Variants in FYB2 observed in about 807,000 individuals in gnomAD.
The protein encoded by FYB2 is FYN binding protein 2.
Under a neutral mutation model 94.1 loss-of-function variants are expected in FYB2, and 103 were observed. The ratio of observed to expected loss-of-function variants is 1.09; its 90% confidence interval spans 0.93 to 1.29. The LOEUF (loss-of-function observed/expected upper bound fraction) is 1.29, where lower values mean the gene tolerates loss of function less well. FYB2 is among the 50% of genes most tolerant of loss of function. FYB2 has a pLI of 0.00. For missense variants in FYB2, 896 were observed against 841.5 expected (o/e 1.06, Z -0.80); for synonymous variants, 293 against 287.9 (o/e 1.02, Z -0.18).
At chr1:56,796,125 T>A (rs1385062398) in intron 1 of FYB2, among the ~76,000 whole-genome samples, 2 of 152,194 alleles carry the variant, frequency 1.3e-5, no homozygotes, top group Non-Finnish European at 2.9e-5. Context: ...AGAAAAGTAA[T>A]TTCTTCTCTC....
rs185890600 is a variant in FYB2 at position 56,758,629 on chromosome 1, T to C, written c.1098+87A>G. 3.8e-6 allele frequency: 4 copies of C among 1,057,966 alleles called. No homozygotes were observed. In the East Asian group the frequency reaches 8.4e-5, roughly 22 times the overall value. 65.5% of individuals were successfully genotyped at this position (1,057,966 alleles called of 1,614,324 possible). A position where few individuals can be genotyped will look rare whatever the true frequency, so the allele number is the denominator to read the frequency against. ...GGAGGAAAAATGAAAACAAAGACATTTTTTCCCTCTAAAAGATACTACTTT... is the reference window on the plus strand; with the variant it reads ...GGAGGAAAAATGAAAACAAAGACATCTTTTCCCTCTAAAAGATACTACTTT... On this transcript the variant is annotated intron_variant, in intron 6 of 19. Transcript: ENST00000343433.
At chr1:56,783,687 T>C (rs1646061244) in intron 4 of FYB2, among the ~76,000 whole-genome samples, 1 of 152,090 alleles carries the variant, frequency 6.6e-6, no homozygotes, top group Non-Finnish European at 1.5e-5. Context: ...AATAAATAAA[T>C]AAACAAAGAA....
intron 15 of FYB2, among the ~76,000 whole-genome samples, chr1:56,729,852 TA>T (rs1274301612): frequency 1.3e-5 from 2 of 152,058 alleles, no homozygotes. Context: ...CACAGTGGAT[TA>T]AAACTAAACA....
intron 1 of FYB2, among the ~76,000 whole-genome samples, chr1:56,798,291 G>T (rs1162292894): frequency 6.6e-6 from 1 of 152,144 alleles, no homozygotes; most frequent in Non-Finnish European, 1.5e-5. Context: ...AAATAGCCTG[G>T]TACTTTTGAT....
At chr1:56,721,868 A>G (rs1322020464) in intron 17 of FYB2, among the ~76,000 whole-genome samples, 1 of 152,104 alleles carries the variant, frequency 6.6e-6, no homozygotes, top group Non-Finnish European at 1.5e-5. Flanking sequence ...CTGTCTTATC[A>G]AATGAAAATA....
At chr1:56,817,092 A>T (rs1213152814) in intron 1 of FYB2, among the ~76,000 whole-genome samples, 1 of 152,150 alleles carries the variant, frequency 6.6e-6, no homozygotes, top group African/African-American at 2.4e-5. Flanking sequence ...TTAAAATGTA[A>T]GCTGGATTGC....
At chr1:56,762,502 A>T (rs145118593) in intron 5 of FYB2, among the ~76,000 whole-genome samples, 1,988 of 152,232 alleles carry the variant, frequency 0.013, 50 homozygotes, top group African/African-American at 0.046. Context: ...TAAATGATAT[A>T]TTTTTCAATT....
chr1:56,794,622 C>T (rs1332393094), intron 1 of FYB2, among the ~76,000 whole-genome samples: 1 of 152,036 alleles, frequency 6.6e-6, no homozygotes, highest in African/African-American at 2.4e-5. Flanking sequence ...AGCTTAAGTA[C>T]ATGCACTCTC....
intron 8 of FYB2, among the ~76,000 whole-genome samples, chr1:56,752,160 G>A (rs1483521186): frequency 1.3e-5 from 2 of 151,924 alleles, no homozygotes; most frequent in African/African-American, 4.8e-5. Flanking sequence ...CGATGAGGTT[G>A]AAAAGGTAAA....
chr1:56,769,916 C>A (rs1301049177), intron 4 of FYB2, among the ~76,000 whole-genome samples: 1 of 151,824 alleles, frequency 6.6e-6, no homozygotes, highest in African/African-American at 2.4e-5. Flanking sequence ...TTAAAAGCAG[C>A]AGACAAGCCA....
chr1:56,760,775 A>T (rs1367389701), intron 5 of FYB2, among the ~76,000 whole-genome samples: 1 of 152,166 alleles, frequency 6.6e-6, no homozygotes, highest in Non-Finnish European at 1.5e-5. Flanking sequence ...GATAATACAC[A>T]TTCAATTAAT....
At chr1:56,735,786 G>A (rs1472071767) in intron 15 of FYB2, among the ~76,000 whole-genome samples, 3 of 151,988 alleles carry the variant, frequency 2.0e-5, no homozygotes, top group African/African-American at 4.8e-5. Flanking sequence ...AGTTTCCTGA[G>A]GCCTCACCAG....
intron 15 of FYB2, among the ~76,000 whole-genome samples, chr1:56,728,531 A>G (rs1445031467): frequency 6.6e-6 from 1 of 152,158 alleles, no homozygotes; most frequent in Non-Finnish European, 1.5e-5. Flanking sequence ...TAAAAAAGGG[A>G]GTACCTAACT....
At chr1:56,725,096 GGCCTTCACCGAAGCAGAT>G (rs1225383115) in intron 16 of FYB2, among the ~76,000 whole-genome samples, 1 of 152,000 alleles carries the variant, frequency 6.6e-6, no homozygotes, top group Non-Finnish European at 1.5e-5. Flanking sequence ...AGCAGCCTGA[GGCCTTCACCGAAGCAGAT>G]GCCAATGTCA....
At chr1:56,747,073 T>A (rs1013750648) in intron 9 of FYB2, among the ~76,000 whole-genome samples, 4 of 151,922 alleles carry the variant, frequency 2.6e-5, no homozygotes, top group Non-Finnish European at 5.9e-5. Flanking sequence ...CTAATTTCAC[T>A]ATATTTCTTT....
chr1:56,730,152 TTAG>T (rs1192300089), intron 15 of FYB2, among the ~76,000 whole-genome samples: 1 of 151,390 alleles, frequency 6.6e-6, no homozygotes, highest in African/African-American at 2.4e-5. Context: ...AAATCCAAAG[TTAG>T]TAGAAGAAAA....
In FYB2 at chr1:56,719,567, C is replaced by A; in HGVS notation, c.*104G>T. The stretch of plus-strand genomic sequence containing the variant: ...GAACGAAAGTTTCCACAGATTCCAC[C>A]ATCTCAAAATTTTGACATGTAAACT... On this transcript the variant is annotated 3_prime_UTR_variant, in exon 20 of 20. Transcript: ENST00000343433. 4.2e-6 allele frequency: 4 copies of A among 961,132 alleles called. No individual in the cohort carries two copies. The highest frequency in any genetic ancestry group is 2.9e-5 in the Admixed American group (1 of 34,452). 59.5% of individuals were successfully genotyped at this position (961,132 alleles called of 1,614,324 possible). A position where few individuals can be genotyped will look rare whatever the true frequency, so the allele number is the denominator to read the frequency against.
intron 9 of FYB2, among the ~76,000 whole-genome samples, chr1:56,747,080 C>A (rs138236207): frequency 6.6e-6 from 1 of 151,812 alleles, no homozygotes; most frequent in African/African-American, 2.4e-5. Flanking sequence ...CACTATATTT[C>A]TTTTATAAAA....
At chr1:56,727,550 A>G (rs1644609907) in intron 15 of FYB2, among the ~76,000 whole-genome samples, 1 of 152,174 alleles carries the variant, frequency 6.6e-6, no homozygotes, top group African/African-American at 2.4e-5. Flanking sequence ...TGAATAAAAA[A>G]GTTACATAAC....
Sources: allele counts gnomAD v4.1 joint callset (sites outside exome capture counted in the v4.1 genomes callset), GRCh38; gene constraint gnomAD v4.1.1; transcripts MANE v1.5; gene names NCBI Gene and HGNC (gene_info 2026-07-23, HGNC 2026-07-21).